The following LYST variants were observed in gnomAD, a reference collection of about 807,000 sequenced individuals.
LYST encodes lysosomal-trafficking regulator.
In LYST, 192 loss-of-function variants were observed where a neutral mutation model predicts 413.6. The ratio of observed to expected loss-of-function variants is 0.46; its 90% CI spans 0.41 to 0.52. The LOEUF is 0.52. Among genes scored for constraint, LYST ranks in the 20% least tolerant of loss-of-function variants. LYST has a pLI of 0.00. For synonymous variants in LYST, 1,525 were observed against 1,567.3 expected, an observed-to-expected ratio of 0.97 and a Z score of 0.64; for missense variants, 3,815 against 4,499.9, an observed-to-expected ratio of 0.85 and a Z score of 4.35.
chr1:235,777,007 A>G (rs983607191), intron 17 of LYST, 56 bp downstream of exon 17: 23 of 1,505,060 alleles, frequency 1.5e-5, no homozygotes, highest in Non-Finnish European at 2.1e-5. Context: ...CCTTTAATTT[A>G]TCAATAATAA....
At chr1:235,719,175 C>T (rs983434010) in intron 40 of LYST, among the ~76,000 whole-genome samples, 8 of 152,122 alleles carry the variant, frequency 5.3e-5, no homozygotes, top group South Asian at 2.1e-4. Flanking sequence ...TGTGCCACCA[C>T]GGCCGGCAAA....
At chr1:235,702,465 C>A (rs995675592) in intron 45 of LYST, among the ~76,000 whole-genome samples, 1 of 152,156 alleles carries the variant, frequency 6.6e-6, no homozygotes. Flanking sequence ...CACTGCCCTG[C>A]GAGGCTTTCC....
At chr1:235,770,127 A>G (rs373300870) in intron 20 of LYST, 33 bp downstream of exon 20, 172 of 1,607,150 alleles carry the variant, frequency 1.1e-4, no homozygotes, top group Non-Finnish European at 1.3e-4. Context: ...ACTGTGGAAT[A>G]TATTTCCAAA....
At chr1:235,808,265 G>T (rs1266148034) in intron 5 of LYST, among the ~76,000 whole-genome samples, 190 bp downstream of exon 5, 1 of 152,038 alleles carries the variant, frequency 6.6e-6, no homozygotes, top group Non-Finnish European at 1.5e-5. Context: ...ATTTTTTGTT[G>T]ACAAATTGAA....
At chr1:235,828,004 A>G (rs184516504) in intron 3 of LYST, 1 of 390,666 alleles carries the variant, frequency 2.6e-6, no homozygotes, top group Admixed American at 6.4e-5. Context: ...CAAATGGCCA[A>G]TAAGCAAATG....
chr1:235,741,099 T>C (rs1030804161), intron 31 of LYST, among the ~76,000 whole-genome samples: 5 of 152,232 alleles, frequency 3.3e-5, no homozygotes, highest in Non-Finnish European at 5.9e-5. Context: ...TCACAGGTAA[T>C]ATAATGCTTT....
chr1:235,678,511 A>G (rs566108483), intron 48 of LYST, among the ~76,000 whole-genome samples: 1 of 152,294 alleles, frequency 6.6e-6, no homozygotes, highest in South Asian at 2.1e-4. Context: ...ATGTCCACAC[A>G]GGGTTTGACT....
chr1:235,806,666 T>C lies in LYST; in HGVS notation c.2470A>G (p.Ile824Val), dbSNP rs887144024. Reference sequence around the variant, plus strand: ...TTCTGTTGCTCCCCTAGGCTGATTATCAGAGTTTCAAATGCTTTTAGAGAA... The same window carrying C: ...TTCTGTTGCTCCCCTAGGCTGATTACCAGAGTTTCAAATGCTTTTAGAGAA... ...SHSLKAFETL[I>V]ISLGEQQKDA... The change falls in exon 6 of 53, where the codon ATA (isoleucine) becomes GTA (valine). Residue 824 changes from isoleucine to valine, a missense_variant. Physicochemically the swap from Ile to Val is conservative, Grantham distance 29 (BLOSUM62 3). Coordinates refer to ENST00000389793, the MANE Select transcript of LYST (RefSeq NM_000081.4). 6.2e-7 allele frequency: 1 copy of C among 1,613,748 alleles called. No individual in the cohort carries two copies. Among genetic ancestry groups the C allele is most frequent in the Non-Finnish European group, 8.5e-7 (1 of 1,179,770 alleles).
chr1:235,808,596 C>G lies in LYST; in HGVS notation c.2222G>C (p.Arg741Thr), dbSNP rs1313875209. The stretch of plus-strand genomic sequence containing the variant: ...ACAATGATGTGCTAATTCAACTCCT[C>G]TTTGGAGCACAGGATTAAATATGTA... ...YNYIFNPVLQ[R>T]GVELAHHCQH... Residue 741 changes from arginine to threonine, a missense_variant, in exon 5 of 53, where the codon AGA (arginine) becomes ACA (threonine). This residue lies in a region of LYST where 1,648 missense variants were observed against 1,810.3 expected (regional missense o/e 0.91). Transcript: ENST00000389793. 6 of 1,613,996 alleles carry G rather than the reference C, an allele frequency of 3.7e-6. No individual in the cohort carries two copies. The highest frequency in any genetic ancestry group is 1.3e-5 in the African/African-American group (1 of 75,026).
At chr1:235,795,026 A>T (rs1344472850) in intron 10 of LYST, among the ~76,000 whole-genome samples, 1 of 152,190 alleles carries the variant, frequency 6.6e-6, no homozygotes, top group Non-Finnish European at 1.5e-5. Flanking sequence ...TAAGAGATTT[A>T]AAAATATTTC....
At chr1:235,698,717 A>G (rs1456640342) in intron 45 of LYST, among the ~76,000 whole-genome samples, 1 of 152,074 alleles carries the variant, frequency 6.6e-6, no homozygotes, top group Non-Finnish European at 1.5e-5. Flanking sequence ...TAAAAATACA[A>G]AAAAATTTAA....
At chr1:235,856,339 T>A (rs1679188742) in intron 1 of LYST, among the ~76,000 whole-genome samples, 1 of 152,186 alleles carries the variant, frequency 6.6e-6, no homozygotes, top group South Asian at 2.1e-4. Flanking sequence ...ACAGAAAGAA[T>A]AGTAGACTAA....
At chr1:235,777,685 A>C (rs1410761590) in intron 16 of LYST, among the ~76,000 whole-genome samples, 4 of 152,180 alleles carry the variant, frequency 2.6e-5, no homozygotes, top group African/African-American at 7.2e-5. Flanking sequence ...GGTCAGGTCA[A>C]TTTATTTGAA....
chr1:235,855,751 G>A (rs1679100054), intron 1 of LYST, among the ~76,000 whole-genome samples: 1 of 151,838 alleles, frequency 6.6e-6, no homozygotes, highest in Non-Finnish European at 1.5e-5. Flanking sequence ...ATAAGTTTTA[G>A]ACATACTGAA....
chr1:235,833,864 A>G (rs1676258171), intron 1 of LYST, among the ~76,000 whole-genome samples, 197 bp from the exon 2 acceptor site: 1 of 152,208 alleles, frequency 6.6e-6, no homozygotes, highest in South Asian at 2.1e-4. Context: ...AGTGATCTGA[A>G]AAAGCAACTC....
rs1660833664 is a variant in LYST at position 235,693,395 on chromosome 1, T to C, written c.10656A>G (p.Gln3552=). 6.2e-7 allele frequency: 1 copy of C among 1,613,604 alleles called. No homozygotes were observed. Among genetic ancestry groups the C allele is most frequent in the Non-Finnish European group, 8.5e-7 (1 of 1,179,484 alleles). ...ADNILRLKSK[Q]SEPPVNFIQS... ...GAATAAAGTTTACTGGAGGCTCACTTTGTTTACTCTTCAACCTTAAAATAT... is the reference window on the plus strand; with the variant it reads ...GAATAAAGTTTACTGGAGGCTCACTCTGTTTACTCTTCAACCTTAAAATAT... The change falls in exon 47 of 53, where the codon CAA becomes CAG. Residue 3552 remains glutamine, a synonymous_variant. Coordinates refer to ENST00000389793, the MANE Select transcript of LYST (RefSeq NM_000081.4).
intron 3 of LYST, chr1:235,827,831 A>G (rs528943245): frequency 1.2e-6 from 1 of 805,072 alleles, no homozygotes; most frequent in Non-Finnish European, 1.5e-6. Flanking sequence ...CTTAAAAGAG[A>G]AAGTATTCTA....
In LYST at chr1:235,734,657, A is replaced by G. The variant is rs774592880; in HGVS notation, c.8361T>C (p.His2787=). The G allele has an allele frequency of 1.2e-6, 2 of 1,601,108 alleles. No homozygotes were observed. Among genetic ancestry groups the G allele is most frequent in the African/African-American group, 1.3e-5 (1 of 74,578 alleles). Residue 2787 remains histidine (H), a splice_region_variant and synonymous_variant, in exon 32 of 53, where the codon CAT becomes CAC. Transcript: ENST00000389793. ...ACAAATACAAAACTAACTTGGCTCC[A>G]TGCTTTAAAAAAAGTAATAATTTTT... ...LRDCLSPSLQ[H]GAKLVLYLSE...
intron 8 of LYST, among the ~76,000 whole-genome samples, chr1:235,802,265 G>A (rs974210599): frequency 6.6e-6 from 1 of 150,812 alleles, no homozygotes; most frequent in African/African-American, 2.4e-5. Context: ...TAAAAAGATG[G>A]AGTCTTGCCA....
Sources: allele counts gnomAD v4.1 joint callset (sites outside exome capture counted in the v4.1 genomes callset), GRCh38; gene constraint gnomAD v4.1.1; regional missense constraint gnomAD v4.1.1; transcripts MANE v1.5; gene names NCBI Gene and HGNC (gene_info 2026-07-23, HGNC 2026-07-21).